KLHL13: variants seen among roughly 807,000 people sequenced by gnomAD.
KLHL13 encodes kelch-like protein 13.
A neutral mutation model predicts 37.1 loss-of-function variants in KLHL13; 10 were observed. The observed-to-expected ratio is 0.27, with a 90% CI of 0.17 to 0.46. The LOEUF (loss-of-function observed/expected upper bound fraction) is 0.46. Ranked by LOEUF, KLHL13 falls within the 20% of genes least tolerant of loss-of-function variation. The pLI is 1.00. For missense variants in KLHL13, 360 were observed against 509.3 expected (o/e 0.71, Z 2.82); for synonymous variants, 163 against 181.2 (o/e 0.90, Z 0.81).
At chrX:117,985,992 A>C (rs1602626738) in intron 1 of KLHL13, among the ~76,000 whole-genome samples, 2 of 111,593 alleles carry the variant, frequency 1.8e-5, no homozygotes, top group East Asian at 5.6e-4. Context: ...GTAAATGATC[A>C]ATGAATAATT....
rs2053712368 is a variant in KLHL13 at position 117,985,441 on chromosome X, T to C, written c.-55-39866A>G. 7.1e-6 allele frequency: 6 copies of C among 840,340 alleles called. No individual in the cohort carries two copies. The East Asian group carries it at 1.7e-4, about 24-fold the overall frequency. The allele number at this position is 840,340 out of a possible 1,213,427, so 69.3% of individuals were successfully genotyped here. ...CTCCCAAAAGCAGAAACAGGCTTTA[T>C]ATATTTAAAAAAAAAAAAAAAAACC... On this transcript the variant is annotated intron_variant, in intron 1 of 6. Coordinates refer to the KLHL13 transcript ENST00000371882.
At chrX:117,958,836 G>A (rs1602595375) in intron 1 of KLHL13, among the ~76,000 whole-genome samples, 1 of 111,041 alleles carries the variant, frequency 9.0e-6, no homozygotes, top group Admixed American at 9.7e-5. Flanking sequence ...ATAACAAAAC[G>A]ATTGCCAACT....
intron 1 of KLHL13, among the ~76,000 whole-genome samples, chrX:118,099,439 T>C (rs150030106): frequency 4.5e-5 from 5 of 111,759 alleles, no homozygotes; most frequent in East Asian, 2.8e-4. Flanking sequence ...TATAAACTTA[T>C]AGACTTTCAA....
chrX:118,071,239 C>T (rs9779673), intron 1 of KLHL13, among the ~76,000 whole-genome samples: 7,002 of 111,196 alleles, frequency 0.063, 563 homozygotes, highest in African/African-American at 0.21. Flanking sequence ...GTCTTTATAG[C>T]GGCATGATTT....
upstream of KLHL13, among the ~76,000 whole-genome samples, chrX:117,977,779 C>T (rs2053611066): frequency 8.9e-6 from 1 of 112,286 alleles, no homozygotes; most frequent in South Asian, 3.6e-4. Flanking sequence ...CGGTTAAACC[C>T]TTTAAAACAC....
At chrX:117,961,878 G>A (rs1008345785) in intron 1 of KLHL13, among the ~76,000 whole-genome samples, 12 of 110,191 alleles carry the variant, frequency 1.1e-4, no homozygotes, top group Non-Finnish European at 2.1e-4. Flanking sequence ...TTAGCCCCGT[G>A]AGACCAGTAC....
chrX:117,898,712 A>G (rs1221139936), exon 7 of KLHL13: 1 of 409,868 alleles, frequency 2.4e-6, no homozygotes, highest in African/African-American at 2.5e-5. Context: ...CATTTCCAGA[A>G]TGGTTGTGTT....
At chrX:118,005,401 T>C (rs932599584) in intron 1 of KLHL13, among the ~76,000 whole-genome samples, 3 of 111,572 alleles carry the variant, frequency 2.7e-5, no homozygotes, top group Non-Finnish European at 5.6e-5. Context: ...TTGACATAGA[T>C]ATAGGGTGTG....
At chrX:118,115,339 C>G (rs2055456280) in intron 1 of KLHL13, among the ~76,000 whole-genome samples, 1 of 112,600 alleles carries the variant, frequency 8.9e-6, no homozygotes, top group South Asian at 3.7e-4. Flanking sequence ...AGCAAATGAA[C>G]CTCAGTATGG....
At chrX:118,040,116 T>G in intron 1 of KLHL13, among the ~76,000 whole-genome samples, 1 of 111,242 alleles carries the variant, frequency 9.0e-6, no homozygotes, top group Non-Finnish European at 1.9e-5. Flanking sequence ...TTTAAATACC[T>G]GGAAAGCCTT....
chrX:118,055,962 G>A (rs1474330327), intron 1 of KLHL13, among the ~76,000 whole-genome samples: 1 of 110,771 alleles, frequency 9.0e-6, no homozygotes, highest in African/African-American at 3.3e-5. Flanking sequence ...GGAAAACTCA[G>A]GGAAATAATT....
At chrX:118,031,588 T>C (rs2054347556) in intron 1 of KLHL13, among the ~76,000 whole-genome samples, 1 of 98,397 alleles carries the variant, frequency 1.0e-5, no homozygotes, top group African/African-American at 3.7e-5. Context: ...TATATATATT[T>C]AGTTATATAT....
At chrX:118,050,366 T>C (rs1278657123) in intron 1 of KLHL13, among the ~76,000 whole-genome samples, 1 of 112,580 alleles carries the variant, frequency 8.9e-6, no homozygotes, top group Non-Finnish European at 1.9e-5. Context: ...TATATGATTT[T>C]CTAATGGTGG....
At chrX:117,968,313 G>A (rs2053470331) in intron 1 of KLHL13, among the ~76,000 whole-genome samples, 1 of 111,902 alleles carries the variant, frequency 8.9e-6, no homozygotes, top group Non-Finnish European at 1.9e-5. Flanking sequence ...CAGTGACAGT[G>A]TTCAAGAAGG....
chrX:117,966,891 C>T (rs1384044574), intron 1 of KLHL13, among the ~76,000 whole-genome samples: 1 of 111,864 alleles, frequency 8.9e-6, no homozygotes, highest in East Asian at 2.8e-4. Flanking sequence ...CTTCCTTACA[C>T]CTTATACAAA....
At chrX:118,080,820 T>C (rs1049199934) in intron 1 of KLHL13, among the ~76,000 whole-genome samples, 10 of 112,031 alleles carry the variant, frequency 8.9e-5, no homozygotes, top group African/African-American at 3.2e-4. Context: ...TGTATGTTCA[T>C]CATCATACTA....
chrX:118,020,468 C>A (rs1458147803), intron 1 of KLHL13, among the ~76,000 whole-genome samples: 1 of 110,865 alleles, frequency 9.0e-6, no homozygotes. Context: ...GTTAGAATGG[C>A]GATCATTAAA....
chrX:118,033,354 T>C (rs769483912), intron 1 of KLHL13, among the ~76,000 whole-genome samples: 2 of 111,392 alleles, frequency 1.8e-5, no homozygotes, highest in East Asian at 5.6e-4. Context: ...AAGGTCGGGT[T>C]ACCCTCAAAG....
chrX:118,031,293 G>A (rs2054336415), intron 1 of KLHL13, among the ~76,000 whole-genome samples: 1 of 107,760 alleles, frequency 9.3e-6, no homozygotes, highest in South Asian at 3.9e-4. Flanking sequence ...TCCTACTCCT[G>A]TTCTCTTTGT....
Sources: allele counts gnomAD v4.1 joint callset (sites outside exome capture counted in the v4.1 genomes callset), GRCh38; gene constraint gnomAD v4.1.1; transcripts MANE v1.5; gene names NCBI Gene and HGNC (gene_info 2026-07-23, HGNC 2026-07-21).